The following ATL1 variants were observed in gnomAD, a reference collection of about 807,000 sequenced individuals.
ATL1 encodes the protein atlastin-1.
A neutral mutation model predicts 75.5 loss-of-function variants in ATL1; 31 were observed. The observed-to-expected ratio is 0.41, with a 90% CI of 0.31 to 0.55. The LOEUF (loss-of-function observed/expected upper bound fraction) is 0.55, where lower values mean the gene tolerates loss of function less well. Among genes scored for constraint, ATL1 ranks in the 20% least tolerant of loss-of-function variants. The pLI is 0.27. For missense variants in ATL1, 405 were observed against 662.6 expected (o/e 0.61, Z 4.27); for synonymous variants, 226 against 233.3 (o/e 0.97, Z 0.28).
intron 4 of ATL1, 198 bp downstream of exon 4, chr14:50,591,837 C>T: frequency 1.8e-6 from 1 of 542,482 alleles, no homozygotes; most frequent in East Asian, 3.1e-5. Flanking sequence ...TACTGACAAA[C>T]TTTCAAATTG....
chr14:50,580,427 G>A (rs747643402), intron 1 of ATL1, among the ~76,000 whole-genome samples: 42 of 151,838 alleles, frequency 2.8e-4, no homozygotes, highest in Non-Finnish European at 5.0e-4. Context: ...CTTTAATCAG[G>A]AATGACTATT....
Position 50,587,907 on chromosome 14 carries a change from C to A in ATL1, c.111C>A (p.Val37=), listed in dbSNP as rs2039117796. ...EPVKKAGPVQ[V]LIVKDDHSFE... ...TGAAAAAGGCAGGACCAGTCCAAGT[C>A]CTCATTGTCAAAGATGACCATTCCT... is the stretch of plus-strand genomic sequence containing the variant. Residue 37 remains valine, a synonymous_variant, in exon 2 of 14, where the codon GTC becomes GTA. Transcript: ENST00000358385. The A allele has an allele frequency of 1.6e-5, 26 of 1,614,076 alleles. No homozygotes were observed. Among genetic ancestry groups the A allele is most frequent in the Non-Finnish European group, 1.9e-5 (22 of 1,180,012 alleles).
At chr14:50,540,572 C>T (rs986146672) in intron 1 of ATL1, among the ~76,000 whole-genome samples, 2 of 152,168 alleles carry the variant, frequency 1.3e-5, no homozygotes, top group African/African-American at 4.8e-5. Context: ...GATTCTCATA[C>T]ATTCTGGAGG....
At chr14:50,614,659 G>C in intron 8 of ATL1, 148 bp downstream of exon 8, 1 of 911,210 alleles carries the variant, frequency 1.1e-6, no homozygotes, top group Non-Finnish European at 1.7e-6. Context: ...GGCATCCTGG[G>C]CTGGTGCTCC....
intron 5 of ATL1, among the ~76,000 whole-genome samples, chr14:50,594,111 A>G (rs970941557): frequency 1.3e-5 from 2 of 152,246 alleles, no homozygotes; most frequent in African/African-American, 4.8e-5. Flanking sequence ...ATGGCTGGAA[A>G]GGCCTCAGGA....
At chr14:50,547,527 C>T (rs549618643) in intron 1 of ATL1, among the ~76,000 whole-genome samples, 4 of 152,254 alleles carry the variant, frequency 2.6e-5, no homozygotes, top group East Asian at 3.9e-4. Context: ...AGGCAGGCAA[C>T]GAAGATGAAA....
Position 50,623,397 on chromosome 14 carries a change from T to G in ATL1, c.1119+149T>G, listed in dbSNP as rs6572678. ...CAGCCTGTATCACGTCTATTTATTA[T>G]ATTCCTGAAATATTTTTAAAAACAT... is the stretch of plus-strand genomic sequence containing the variant. On this transcript the variant is annotated intron_variant, in intron 11 of 13. Coordinates refer to ENST00000358385, the MANE Select transcript of ATL1 (RefSeq NM_015915.5). 357,978 of 661,412 alleles carry G rather than the reference T, an allele frequency of 0.54. 100,114 individuals are homozygous for G. The highest frequency in any genetic ancestry group is 0.73 in the East Asian group (25,408 of 34,964). 41.0% of individuals were successfully genotyped at this position (661,412 alleles called of 1,614,324 possible).
chr14:50,562,084 G>C (rs980081662), intron 1 of ATL1, among the ~76,000 whole-genome samples: 1 of 151,274 alleles, frequency 6.6e-6, no homozygotes, highest in East Asian at 1.9e-4. Flanking sequence ...TTGCTCTGTC[G>C]CCTAGGCTGG....
At chr14:50,543,639 G>A (rs2038593495) in intron 1 of ATL1, among the ~76,000 whole-genome samples, 1 of 152,156 alleles carries the variant, frequency 6.6e-6, no homozygotes, top group Admixed American at 6.5e-5. Context: ...ATCAATCGTG[G>A]TGCTGGCTGA....
rs1166154932 is a variant in ATL1 at position 50,590,043 on chromosome 14, G to A, written c.283-898G>A. On this transcript the variant is annotated intron_variant, in intron 2 of 13. Coordinates refer to ENST00000358385, the MANE Select transcript of ATL1 (RefSeq NM_015915.5). ...ATATTTTCCATGCCTTATCCAACTT[G>A]ATCTTCAGCCTTTAAACAATTGATA... Among the ~76,000 whole-genome samples the A allele has an allele frequency of 2.0e-5, 3 of 152,136 alleles. No individual in the cohort carries two copies. In the East Asian group the frequency reaches 5.8e-4, roughly 29 times the overall value.
intron 6 of ATL1, among the ~76,000 whole-genome samples, chr14:50,603,410 A>G (rs2039288992): frequency 3.3e-5 from 5 of 152,214 alleles, no homozygotes; most frequent in Admixed American, 2.6e-4. Flanking sequence ...CTTTCAGTGG[A>G]GATGTAATTA....
intron 1 of ATL1, among the ~76,000 whole-genome samples, chr14:50,534,563 C>T (rs2038468738): frequency 6.6e-6 from 1 of 152,216 alleles, no homozygotes; most frequent in African/African-American, 2.4e-5. Context: ...TGTTTGAGGT[C>T]ATAGGCTTCA....
At chr14:50,571,509 C>T (rs1247604644) in intron 1 of ATL1, among the ~76,000 whole-genome samples, 1 of 152,166 alleles carries the variant, frequency 6.6e-6, no homozygotes, top group South Asian at 2.1e-4. Flanking sequence ...CTCCTTTATT[C>T]ATAATTATTA....
At chr14:50,629,362 A>C (rs2039555168) in intron 12 of ATL1, among the ~76,000 whole-genome samples, 3 of 152,066 alleles carry the variant, frequency 2.0e-5, no homozygotes, top group Admixed American at 2.0e-4. Flanking sequence ...TGGGCGGATC[A>C]TCTGAGGTCG....
At chr14:50,545,629 A>G (rs1429863274) in intron 1 of ATL1, among the ~76,000 whole-genome samples, 17 of 152,194 alleles carry the variant, frequency 1.1e-4, no homozygotes, top group Admixed American at 1.1e-3. Context: ...CTACTGAGAA[A>G]TTGTTAAAGC....
rs1409280138 is a variant in ATL1 at position 50,627,116 on chromosome 14, C to T, written c.1120-915C>T. Reference sequence around the variant, plus strand: ...GTTGTCATATTTTAAGAAATTGCCACAGCCACCTCAACCTTCAGCAACACC... The same window carrying T: ...GTTGTCATATTTTAAGAAATTGCCATAGCCACCTCAACCTTCAGCAACACC... On this transcript the variant is annotated intron_variant, in intron 11 of 13. Coordinates refer to ENST00000358385, the MANE Select transcript of ATL1 (RefSeq NM_015915.5). 2.0e-5 allele frequency among the ~76,000 whole-genome samples: 3 copies of T among 152,338 alleles called. No homozygotes were observed. In the East Asian group the frequency reaches 5.8e-4, roughly 29 times the overall value.
chr14:50,621,994 AATTT>A (rs2039471500), intron 10 of ATL1, 95 bp downstream of exon 10: 1 of 852,562 alleles, frequency 1.2e-6, no homozygotes, highest in African/African-American at 1.7e-5. Context: ...TAGACAGAAT[AATTT>A]ATTGGAAGAT....
At chr14:50,543,065 C>T (rs1051059822) in intron 1 of ATL1, among the ~76,000 whole-genome samples, 1 of 152,236 alleles carries the variant, frequency 6.6e-6, no homozygotes, top group African/African-American at 2.4e-5. Context: ...CAGCAGAGGG[C>T]ATCCATCTCG....
chr14:50,558,751 A>G (rs1360640411), upstream of ATL1, among the ~76,000 whole-genome samples: 2 of 152,208 alleles, frequency 1.3e-5, no homozygotes, highest in African/African-American at 2.4e-5. Flanking sequence ...GGAATATAAG[A>G]AGAAAAGCAG....
Sources: gnomAD v4.1 joint callset for allele counts (sites outside exome capture counted in the v4.1 genomes callset) on GRCh38, gnomAD v4.1.1 for gene constraint, MANE v1.5 for transcripts, NCBI Gene and HGNC (gene_info 2026-07-23, HGNC 2026-07-21) for gene names.